Variants in SLC22A13 observed in about 807,000 individuals in gnomAD.
The protein encoded by SLC22A13 is organic anion transporter 10.
In SLC22A13, 42 loss-of-function variants were observed where a neutral mutation model predicts 49.1. The ratio of observed to expected loss-of-function variants is 0.85; its 90% confidence interval spans 0.67 to 1.11. The LOEUF (loss-of-function observed/expected upper bound fraction) is 1.11, where lower values mean the gene tolerates loss of function less well. Among genes scored for constraint, SLC22A13 ranks in the 50% least tolerant of loss-of-function variants. The pLI is 0.00. For synonymous variants in SLC22A13, 282 were observed against 293.1 expected (o/e 0.96, Z 0.39); for missense variants, 694 against 712.8 (o/e 0.97, Z 0.30).
Position 38,265,979 on chromosome 3 carries a change from T to C in SLC22A13, c.119T>C (p.Val40Ala). ...FLSPFYFFAH[V>A]FMVLDEPHHC... is the part of the protein sequence containing the mutation. ...TCTCCCTTCTACTTTTTTGCCCATG[T>C]CTTCATGGTCCTAGATGAGCCCCAC... The change falls in exon 1 of 10, where the codon GTC (valine) becomes GCC (alanine). Residue 40 changes from valine to alanine, a missense_variant. Physicochemically the swap from Val to Ala is moderately conservative, Grantham distance 64 (BLOSUM62 0). Transcript: ENST00000311856. The C allele has an allele frequency of 6.2e-7, 1 of 1,614,194 alleles. No homozygotes were observed. Among genetic ancestry groups the C allele is most frequent in the Non-Finnish European group, 8.5e-7 (1 of 1,180,034 alleles).
Position 38,276,286 on chromosome 3 carries a change from G to T in SLC22A13, c.1238-1G>T. On this transcript the variant is annotated splice_acceptor_variant, in intron 7 of 9. Transcript: ENST00000311856. LOFTEE classifies it high-confidence loss of function. The stretch of plus-strand genomic sequence containing the variant: ...TGATGGGGCTGTCTACCCTCTGCCA[G>T]ATCTGCCCGTGGTGGTCACCATGCT... The T allele has an allele frequency of 6.2e-7, 1 of 1,610,576 alleles. No individual in the cohort carries two copies. The highest frequency in any genetic ancestry group is 8.5e-7 in the Non-Finnish European group (1 of 1,178,022).
At position 38,265,980 on chromosome 3, in the gene SLC22A13, C is replaced by T; in HGVS notation, c.120C>T (p.Val40=). The T allele has an allele frequency of 6.2e-7, 1 of 1,614,148 alleles. No homozygotes were observed. The highest frequency in any genetic ancestry group is 8.5e-7 in the Non-Finnish European group (1 of 1,180,038). The part of the protein sequence containing the change: ...FLSPFYFFAH[V]FMVLDEPHHC... ...CTCCCTTCTACTTTTTTGCCCATGT[C>T]TTCATGGTCCTAGATGAGCCCCACC... Residue 40 remains valine (V), a synonymous_variant, in exon 1 of 10, where the codon GTC becomes GTT. Transcript: ENST00000311856.
chr3:38,277,514 A>C lies in SLC22A13; in HGVS notation c.*49A>C, dbSNP rs1575392945. ...ATCAGCAGCAGGGAGCTGCCTAAAC[A>C]CCTCCTTGGATATGGCCAGGACCCA... On this transcript the variant is annotated 3_prime_UTR_variant, in exon 10 of 10. Coordinates refer to ENST00000311856, the MANE Select transcript of SLC22A13 (RefSeq NM_004256.4). 2 of 1,395,490 alleles carry C rather than the reference A, an allele frequency of 1.4e-6. No individual in the cohort carries two copies. The highest frequency in any genetic ancestry group is 2.0e-6 in the Non-Finnish European group (2 of 989,868). The allele number at this position is 1,395,490 out of a possible 1,614,324, so 86.4% of individuals were successfully genotyped here. A position where few individuals can be genotyped will look rare whatever the true frequency, so the allele number is the denominator to read the frequency against.
chr3:38,271,724 A>C (rs756972831), intron 1 of SLC22A13, among the ~76,000 whole-genome samples: 1 of 152,122 alleles, frequency 6.6e-6, no homozygotes, highest in Non-Finnish European at 1.5e-5. Flanking sequence ...GGAGGCGTGA[A>C]AATGCCTGGC....
At position 38,274,983 on chromosome 3, in the gene SLC22A13, C is replaced by T; in HGVS notation, c.638-6C>T. On this transcript the variant is annotated splice_region_variant and splice_polypyrimidine_tract_variant and intron_variant, in intron 3 of 9. Transcript: ENST00000311856. The stretch of plus-strand genomic sequence containing the variant: ...TAGCCCTGTCTCAACCTCTCCATTG[C>T]CACAGTGACAGAATGGGTGGGGCCC... The T allele has an allele frequency of 6.2e-7, 1 of 1,613,520 alleles. No individual in the cohort carries two copies. Among genetic ancestry groups the T allele is most frequent in the Non-Finnish European group, 8.5e-7 (1 of 1,179,440 alleles).
intron 1 of SLC22A13, among the ~76,000 whole-genome samples, chr3:38,269,907 C>T (rs1703502379): frequency 7.3e-6 from 1 of 136,082 alleles, no homozygotes; most frequent in Non-Finnish European, 1.6e-5. Flanking sequence ...GTGATGTTCC[C>T]CTTCCTGTGT....
intron 3 of SLC22A13, 114 bp from the exon 4 acceptor site, chr3:38,274,875 G>A (rs925936699): frequency 2.1e-5 from 33 of 1,541,986 alleles, no homozygotes; most frequent in African/African-American, 1.6e-4. Flanking sequence ...TGAAGTGGTC[G>A]CACTGGTGCT....
chr3:38,274,953 G>C (rs1395334770), intron 3 of SLC22A13, 36 bp from the exon 4 acceptor site: 1 of 1,603,982 alleles, frequency 6.2e-7, no homozygotes, highest in African/African-American at 1.3e-5. Context: ...GTGAATGGCA[G>C]GGATTAGCCC....
In SLC22A13 at chr3:38,275,373, T is replaced by C; in HGVS notation, c.810T>C (p.Ala270=). The C allele has an allele frequency of 6.2e-7, 1 of 1,614,132 alleles. No individual in the cohort carries two copies. The highest frequency in any genetic ancestry group is 8.5e-7 in the Non-Finnish European group (1 of 1,180,018). Residue 270 remains alanine, a synonymous_variant, in exon 5 of 10, where the codon GCT becomes GCC. Transcript: ENST00000311856. The part of the protein sequence containing the change: ...PGLLLFFYFW[A]LPESARWLLT... The stretch of plus-strand genomic sequence containing the variant: ...CATAGCCGTTGCTGACCCACAGGGC[T>C]CTGCCAGAATCTGCACGTTGGCTCC...
chr3:38,274,690 T>TC lies in SLC22A13; in HGVS notation c.570dup (p.Tyr191LeufsTer16). 1 of 1,614,224 alleles carries TC rather than the reference T, an allele frequency of 6.2e-7. No homozygotes were observed. Among genetic ancestry groups the TC allele is most frequent in the Non-Finnish European group, 8.5e-7 (1 of 1,180,034 alleles). On this transcript the variant is annotated frameshift_variant, in exon 3 of 10. Coordinates refer to ENST00000311856, the MANE Select transcript of SLC22A13 (RefSeq NM_004256.4). LOFTEE classifies it high-confidence loss of function. ...ACAGCTTTTGTGCCCAGCTTTGAGC[T>TC]CTACATGGCCCTGCGCTTTGCTGTG...
At chr3:38,272,120 G>A (rs1350399410) in intron 1 of SLC22A13, among the ~76,000 whole-genome samples, 1 of 152,250 alleles carries the variant, frequency 6.6e-6, no homozygotes, top group Non-Finnish European at 1.5e-5. Flanking sequence ...AAGCCATTAT[G>A]GGGTTAGAAT....
chr3:38,277,077 C>G lies in SLC22A13; in HGVS notation c.1512C>G (p.Gly504=). The G allele has an allele frequency of 6.3e-7, 1 of 1,583,526 alleles. No individual in the cohort carries two copies. Among genetic ancestry groups the G allele is most frequent in the South Asian group, 1.1e-5 (1 of 87,108 alleles). The change falls in exon 9 of 10, where the codon GGC becomes GGG. Residue 504 remains glycine, a synonymous_variant. Coordinates refer to ENST00000311856, the MANE Select transcript of SLC22A13 (RefSeq NM_004256.4). ...GCACCCTGCTGCCAGAGACGCATGGCCAGGGCCTGAAAGACACCCTCCAGG... is the reference window on the plus strand; with the variant it reads ...GCACCCTGCTGCCAGAGACGCATGGGCAGGGCCTGAAAGACACCCTCCAGG... ...LLCTLLPETH[G]QGLKDTLQDL...
chr3:38,267,108 C>T (rs922820951), intron 1 of SLC22A13, among the ~76,000 whole-genome samples: 1 of 152,238 alleles, frequency 6.6e-6, no homozygotes, highest in African/African-American at 2.4e-5. Context: ...TAATTCTCAT[C>T]TTCTTTATGG....
chr3:38,277,431 CG>C lies in SLC22A13; in HGVS notation c.1625del (p.Gly542GlufsTer5). On this transcript the variant is annotated frameshift_variant, in exon 10 of 10. Transcript: ENST00000311856. LOFTEE classifies it high-confidence loss of function. ...ETEAKGRTSS[P>X]GVAFVSSTYF Reference sequence around the variant, plus strand: ...GAGGCCAAGGGAAGAACTTCCAGCCCGGGAGTGGCCTTTGTGAGCAGCACAT... The same window carrying C: ...GAGGCCAAGGGAAGAACTTCCAGCCCGGAGTGGCCTTTGTGAGCAGCACAT... 1 of 1,614,080 alleles carries C rather than the reference CG, an allele frequency of 6.2e-7. No individual in the cohort carries two copies. Among genetic ancestry groups the C allele is most frequent in the Non-Finnish European group, 8.5e-7 (1 of 1,179,958 alleles).
In SLC22A13 at chr3:38,266,244, C is replaced by T. The variant is rs777563706; in HGVS notation, c.378+6C>T. On this transcript the variant is annotated splice_donor_region_variant and intron_variant, in intron 1 of 9. Coordinates refer to ENST00000311856, the MANE Select transcript of SLC22A13 (RefSeq NM_004256.4). The stretch of plus-strand genomic sequence containing the variant: ...TCCCATCCCTGAAGAATGAGGTAGG[C>T]TTGTCCTTTTGCTGGTCTCTCCACC... 2.3e-5 allele frequency: 37 copies of T among 1,610,344 alleles called. No homozygotes were observed. The Admixed American group carries it at 5.5e-4, about 24-fold the overall frequency.
Position 38,277,298 on chromosome 3 carries a change from AG to A in SLC22A13, c.1563-72del, listed in dbSNP as rs1703599305. The A allele has an allele frequency of 2.4e-6, 3 of 1,245,478 alleles. No homozygotes were observed. The Admixed American group carries it at 5.6e-5, about 23-fold the overall frequency. The allele number at this position is 1,245,478 out of a possible 1,614,324, so 77.2% of individuals were successfully genotyped here. On this transcript the variant is annotated intron_variant, in intron 9 of 9. Coordinates refer to ENST00000311856, the MANE Select transcript of SLC22A13 (RefSeq NM_004256.4). ...TTTAGTTCAGATTCCCCTTACTTTG[AG>A]GAGGGAGGTGGTGAGGACACTGTCA...
rs1336630050 is a variant in SLC22A13, at chr3:38,275,037, C to T, written c.686C>T (p.Ala229Val). ...TGGAGGACGCAGGCCGTGGTCCTGGCCCAGTGCAACTTCTCCCTCGGGCAG... is the reference window on the plus strand; with the variant it reads ...TGGAGGACGCAGGCCGTGGTCCTGGTCCAGTGCAACTTCTCCCTCGGGCAG... ...PSWRTQAVVL[A>V]QCNFSLGQMV... The change falls in exon 4 of 10, where the codon GCC becomes GTC. Residue 229 changes from alanine (A) to valine (V), a missense_variant. By Grantham distance (64) the Ala-to-Val change is moderately conservative. Coordinates refer to ENST00000311856, the MANE Select transcript of SLC22A13 (RefSeq NM_004256.4). 1 of 1,614,242 alleles carries T rather than the reference C, an allele frequency of 6.2e-7. No homozygotes were observed. The highest frequency in any genetic ancestry group is 8.5e-7 in the Non-Finnish European group (1 of 1,180,032).
At chr3:38,274,787 C>T in intron 3 of SLC22A13, 29 bp downstream of exon 3, 1 of 1,600,020 alleles carries the variant, frequency 6.2e-7, no homozygotes, top group Non-Finnish European at 8.5e-7. Flanking sequence ...GAGCCTTCAG[C>T]CATAGGGTGA....
chr3:38,276,997 G>C lies in SLC22A13; in HGVS notation c.1432G>C (p.Ala478Pro). The C allele has an allele frequency of 6.2e-7, 1 of 1,612,156 alleles. No individual in the cohort carries two copies. The highest frequency in any genetic ancestry group is 8.5e-7 in the Non-Finnish European group (1 of 1,179,260). The change falls in exon 9 of 10, where the codon GCT becomes CCT. Residue 478 changes from alanine to proline, a missense_variant. Physicochemically the swap from Ala to Pro is conservative, Grantham distance 27 (BLOSUM62 -1). Coordinates refer to ENST00000311856, the MANE Select transcript of SLC22A13 (RefSeq NM_004256.4). ...PLVILLGEYH[A>P]ALPMLIYGSL... ...TGTGATCCTGCTGGGAGAGTACCAC[G>C]CTGCCCTCCCCATGCTCATCTACGG...
Sources: gnomAD v4.1 joint callset for allele counts (sites outside exome capture counted in the v4.1 genomes callset) on GRCh38, gnomAD v4.1.1 for gene constraint, MANE v1.5 for transcripts, NCBI Gene and HGNC (gene_info 2026-07-23, HGNC 2026-07-21) for gene names.